The following BEST3 variants were observed in gnomAD, a reference collection of about 807,000 sequenced individuals.
BEST3 encodes bestrophin-3.
In BEST3, 50 loss-of-function variants were observed where a neutral mutation model predicts 47.1. That is an observed-to-expected ratio of 1.06 (90% CI 0.85 to 1.34). BEST3 has a LOEUF of 1.34. Ranked by LOEUF, BEST3 falls within the 40% of genes most tolerant of loss-of-function variation. The pLI is 0.00. For synonymous variants in BEST3, 282 were observed against 298.8 expected (o/e 0.94, Z 0.58); for missense variants, 765 against 817.0 (o/e 0.94, Z 0.78).
chr12:69,694,217 T>G (rs1400725991), intron 3 of BEST3, 153 bp downstream of exon 3: 2 of 605,996 alleles, frequency 3.3e-6, no homozygotes, highest in South Asian at 4.7e-5. Context: ...AAAGCAGCCG[T>G]GAAGGCAAAC....
At chr12:69,688,449 CTT>C (rs946070138) in intron 4 of BEST3, among the ~76,000 whole-genome samples, 1 of 152,098 alleles carries the variant, frequency 6.6e-6, no homozygotes, top group African/African-American at 2.4e-5. Context: ...GAAACAAAAA[CTT>C]TTTTATTTTT....
chr12:69,684,531 C>A, intron 4 of BEST3: 1 of 646,904 alleles, frequency 1.5e-6, no homozygotes, highest in Non-Finnish European at 3.0e-6. Context: ...AGTATTCAAA[C>A]GAGGCTCTAT....
intron 4 of BEST3, among the ~76,000 whole-genome samples, chr12:69,688,851 G>T (rs1885788818): frequency 6.6e-6 from 1 of 152,198 alleles, no homozygotes; most frequent in Non-Finnish European, 1.5e-5. Context: ...GATTCCTGGA[G>T]CCCATTCCAG....
At chr12:69,697,836 C>T in intron 1 of BEST3, 23 bp from the exon 2 acceptor site, 2 of 1,579,878 alleles carry the variant, frequency 1.3e-6, no homozygotes, top group Non-Finnish European at 1.7e-6. Flanking sequence ...GAAGACAAAA[C>T]ACAAGTAAAA....
intron 7 of BEST3, among the ~76,000 whole-genome samples, chr12:69,676,212 G>A (rs1348961647): frequency 6.6e-6 from 1 of 152,110 alleles, no homozygotes; most frequent in African/African-American, 2.4e-5. Flanking sequence ...TGGTGTTTCT[G>A]GTTCTGATTC....
At chr12:69,652,336 G>A (rs1486792649), downstream of BEST3, among the ~76,000 whole-genome samples, 3 of 152,098 alleles carry the variant, frequency 2.0e-5, no homozygotes, top group Non-Finnish European at 4.4e-5. Context: ...CAGGACTCAG[G>A]GAAAAAGGAG....
At chr12:69,647,839 A>G (rs1883087895) in intron 9 of BEST3, among the ~76,000 whole-genome samples, 1 of 152,194 alleles carries the variant, frequency 6.6e-6, no homozygotes, top group Non-Finnish European at 1.5e-5. Flanking sequence ...AGACCACCAC[A>G]ATGTCTGAAA....
chr12:69,681,981 T>A (rs1172559282), intron 4 of BEST3, among the ~76,000 whole-genome samples: 1 of 147,184 alleles, frequency 6.8e-6, no homozygotes, highest in Non-Finnish European at 1.5e-5. Flanking sequence ...CTTGGGAGGC[T>A]GAGGCAGGAG....
chr12:69,676,798 A>G, intron 7 of BEST3, 118 bp downstream of exon 7: 4 of 1,101,920 alleles, frequency 3.6e-6, no homozygotes, highest in Non-Finnish European at 5.3e-6. Context: ...GAGCCATTAC[A>G]TGTTAAATCT....
chr12:69,667,627 T>A (rs1433476035), intron 9 of BEST3, among the ~76,000 whole-genome samples: 1 of 152,156 alleles, frequency 6.6e-6, no homozygotes, highest in Non-Finnish European at 1.5e-5. Context: ...CATATTAGAG[T>A]CCCTGACTCC....
intron 9 of BEST3, chr12:69,670,259 G>A (rs966661177): frequency 3.5e-6 from 2 of 576,084 alleles, no homozygotes; most frequent in African/African-American, 3.7e-5. Context: ...TGAGGGCAGG[G>A]ATGAGCTCTC....
chr12:69,669,032 C>A (rs914404831), intron 9 of BEST3, among the ~76,000 whole-genome samples: 5 of 152,068 alleles, frequency 3.3e-5, no homozygotes, highest in Admixed American at 1.3e-4. Context: ...ATTCTCTGAG[C>A]CTCTGGATCT....
At chr12:69,668,395 A>G (rs1215926723) in intron 9 of BEST3, among the ~76,000 whole-genome samples, 3 of 152,190 alleles carry the variant, frequency 2.0e-5, no homozygotes, top group Non-Finnish European at 4.4e-5. Context: ...GCTTGTGTCT[A>G]CAGCATCTTG....
In BEST3 at chr12:69,685,859, G is replaced by A. The variant is rs187249382; in HGVS notation, c.482-6966C>T. 2.8e-3 allele frequency among the ~76,000 whole-genome samples: 419 copies of A among 152,228 alleles called. 1 individual carries two copies. The highest frequency in any genetic ancestry group is 9.8e-3 in the African/African-American group (409 of 41,536). The stretch of plus-strand genomic sequence containing the variant: ...TATTTAACTCCTGAGACAGAAATGT[G>A]GGGGGAACCTTCAAACACTGACCAA... On this transcript the variant is annotated intron_variant, in intron 4 of 9. Transcript: ENST00000330891.
chr12:69,682,954 A>C (rs1885342506), intron 4 of BEST3, among the ~76,000 whole-genome samples: 1 of 152,228 alleles, frequency 6.6e-6, no homozygotes, highest in South Asian at 2.1e-4. Flanking sequence ...GCTGTAGCCT[A>C]TTCTCACATA....
chr12:69,676,420 A>AT (rs1565833437), intron 7 of BEST3, among the ~76,000 whole-genome samples: 2 of 38,418 alleles, frequency 5.2e-5, no homozygotes. Flanking sequence ...CAGGGAAAGT[A>AT]AAAAAAAAAA....
chr12:69,660,361 T>C (rs1883798245), intron 9 of BEST3: 2 of 152,164 alleles, frequency 1.3e-5, no homozygotes, highest in African/African-American at 2.4e-5. Context: ...TTCTTCAAGA[T>C]TGTCCTTTTA....
At chr12:69,681,539 G>T (rs1227677424) in intron 4 of BEST3, among the ~76,000 whole-genome samples, 2 of 152,162 alleles carry the variant, frequency 1.3e-5, no homozygotes, top group Non-Finnish European at 2.9e-5. Flanking sequence ...AATGTCAAAG[G>T]AGGAGTGAGG....
intron 4 of BEST3, chr12:69,684,249 G>A (rs1270772905): frequency 7.0e-6 from 2 of 285,998 alleles, no homozygotes; most frequent in Non-Finnish European, 1.3e-5. Flanking sequence ...TTTTCATATT[G>A]TTTATCCCCA....
Sources: gnomAD v4.1 joint callset for allele counts (sites outside exome capture counted in the v4.1 genomes callset) on GRCh38, gnomAD v4.1.1 for gene constraint, MANE v1.5 for transcripts, NCBI Gene and HGNC (gene_info 2026-07-23, HGNC 2026-07-21) for gene names.